TM2D1: variants seen among roughly 807,000 people sequenced by gnomAD.
TM2D1 encodes TM2 domain containing 1.
A neutral mutation model predicts 28.4 loss-of-function variants in TM2D1; 15 were observed. The observed-to-expected ratio is 0.53, with a 90% CI of 0.35 to 0.81. The LOEUF (loss-of-function observed/expected upper bound fraction) is 0.81, where lower values mean the gene tolerates loss of function less well. Ranked by LOEUF, TM2D1 falls within the 40% of genes least tolerant of loss-of-function variation. TM2D1 has a pLI of 0.01. For synonymous variants in TM2D1, 93 were observed against 96.2 expected, an observed-to-expected ratio of 0.97 and a Z score of 0.20; for missense variants, 236 against 254.9, an observed-to-expected ratio of 0.93 and a Z score of 0.50.
intron 5 of TM2D1, among the ~76,000 whole-genome samples, chr1:61,691,932 A>AAAAAAAAAAAATATATAT: frequency 5.2e-5 from 4 of 76,398 alleles, no homozygotes; most frequent in Non-Finnish European, 7.7e-5. Flanking sequence ...AAAAAAAAAA[A>AAAAAAAAAAAATATATAT]ATATATATAT....
chr1:61,707,603 G>A (rs944145622), intron 3 of TM2D1, among the ~76,000 whole-genome samples: 7 of 152,124 alleles, frequency 4.6e-5, no homozygotes, highest in African/African-American at 1.7e-4. Context: ...TCATATCTAA[G>A]TACATTGCAA....
chr1:61,703,062 C>G (rs537795126), intron 3 of TM2D1, among the ~76,000 whole-genome samples: 21 of 151,452 alleles, frequency 1.4e-4, no homozygotes, highest in South Asian at 4.2e-4. Flanking sequence ...GCCAAGATCA[C>G]GCCATTGCAC....
chr1:61,684,491 C>G (rs1644269463), intron 5 of TM2D1, among the ~76,000 whole-genome samples: 1 of 152,150 alleles, frequency 6.6e-6, no homozygotes, highest in Admixed American at 6.5e-5. Flanking sequence ...GGTGTGAAAG[C>G]CTCTGAAGTG....
At chr1:61,715,279 G>C (rs1281633393) in intron 2 of TM2D1, among the ~76,000 whole-genome samples, 2 of 152,122 alleles carry the variant, frequency 1.3e-5, no homozygotes, top group Admixed American at 1.3e-4. Flanking sequence ...CACTTAACTA[G>C]CATGTTCCTT....
intron 2 of TM2D1, among the ~76,000 whole-genome samples, chr1:61,719,843 G>T (rs12090484): frequency 0.041 from 6,312 of 152,198 alleles, 449 homozygotes; most frequent in African/African-American, 0.14. Flanking sequence ...TTTTCGGTAG[G>T]TTTGAAACTA....
chr1:61,702,970 G>A (rs1644413186), intron 3 of TM2D1, among the ~76,000 whole-genome samples: 1 of 151,350 alleles, frequency 6.6e-6, no homozygotes, highest in African/African-American at 2.4e-5. Context: ...GCCGGGCGTG[G>A]TGGTATATGC....
At chr1:61,712,747 T>C (rs1386451801) in intron 2 of TM2D1, among the ~76,000 whole-genome samples, 1 of 152,114 alleles carries the variant, frequency 6.6e-6, no homozygotes. Context: ...AATTAACATG[T>C]TATAGCACTC....
At position 61,683,477 on chromosome 1, in the gene TM2D1, TACTC is replaced by T; in HGVS notation, c.579_582del (p.Ser194LeufsTer52). On this transcript the variant is annotated frameshift_variant, in exon 6 of 7. Transcript: ENST00000606498. LOFTEE classifies it high-confidence loss of function. ...GTTTTTCTAAATGTTTCATTAGTAA[TACTC>T]AGTCTTGTAAGTCTGGTTCCATAGT... The T allele has an allele frequency of 1.3e-6, 2 of 1,529,444 alleles. No homozygotes were observed. Among genetic ancestry groups the T allele is most frequent in the Non-Finnish European group, 1.8e-6 (2 of 1,139,932 alleles). The allele number at this position is 1,529,444 out of a possible 1,614,324, so 94.7% of individuals were successfully genotyped here. A position where few individuals can be genotyped will look rare whatever the true frequency, so the allele number is the denominator to read the frequency against.
chr1:61,685,965 A>C (rs1644282339), intron 5 of TM2D1, among the ~76,000 whole-genome samples: 1 of 152,046 alleles, frequency 6.6e-6, no homozygotes, highest in African/African-American at 2.4e-5. Flanking sequence ...GTGAGCTATG[A>C]TCACACCACT....
intron 4 of TM2D1, chr1:61,697,676 A>G (rs910959766): frequency 7.9e-5 from 12 of 152,320 alleles, no homozygotes; most frequent in African/African-American, 2.9e-4. Context: ...AAAAAAGAAC[A>G]TATCTGTCAC....
chr1:61,700,072 A>C (rs940345753), intron 4 of TM2D1: 5 of 1,410,312 alleles, frequency 3.5e-6, no homozygotes, highest in Non-Finnish European at 4.6e-6. Context: ...AGAGTACTAC[A>C]GTAAATAAAG....
chr1:61,692,907 T>A (rs1644339377), intron 5 of TM2D1, among the ~76,000 whole-genome samples: 1 of 152,156 alleles, frequency 6.6e-6, no homozygotes, highest in Admixed American at 6.5e-5. Flanking sequence ...CCTCAATAAT[T>A]TCTTAATGTG....
At chr1:61,714,864 G>C (rs573402395) in intron 2 of TM2D1, among the ~76,000 whole-genome samples, 7 of 152,204 alleles carry the variant, frequency 4.6e-5, no homozygotes, top group Admixed American at 2.0e-4. Flanking sequence ...TTTTCAACTA[G>C]ATAGTACCAA....
intron 6 of TM2D1, among the ~76,000 whole-genome samples, chr1:61,682,716 G>A (rs565566237): frequency 1.3e-5 from 2 of 151,976 alleles, no homozygotes; most frequent in South Asian, 2.1e-4. Flanking sequence ...CTAAAATGGC[G>A]AAACCCCATC....
At chr1:61,684,303 C>T (rs529952671) in intron 5 of TM2D1, among the ~76,000 whole-genome samples, 1 of 152,274 alleles carries the variant, frequency 6.6e-6, no homozygotes, top group African/African-American at 2.4e-5. Flanking sequence ...ATCCTGAGAG[C>T]TTAATTCCCT....
intron 3 of TM2D1, among the ~76,000 whole-genome samples, chr1:61,708,717 T>C (rs1644456914): frequency 6.6e-6 from 1 of 152,216 alleles, no homozygotes. Flanking sequence ...ATCTCCCACA[T>C]TTTGAAGACA....
At chr1:61,714,618 G>A (rs1357764990) in intron 2 of TM2D1, among the ~76,000 whole-genome samples, 1 of 152,150 alleles carries the variant, frequency 6.6e-6, no homozygotes, top group South Asian at 2.1e-4. Context: ...GCAATGGCAC[G>A]ATTACGGCTC....
intron 2 of TM2D1, among the ~76,000 whole-genome samples, chr1:61,711,530 T>C (rs1644479363): frequency 1.3e-5 from 2 of 151,046 alleles, no homozygotes; most frequent in South Asian, 4.2e-4. Context: ...GCTCACCTGT[T>C]GTCAGGAGGC....
Position 61,725,018 on chromosome 1 carries a change from C to A in TM2D1, c.103G>T (p.Ala35Ser), listed in dbSNP as rs770675086. 2 of 1,611,508 alleles carry A rather than the reference C, an allele frequency of 1.2e-6. No individual in the cohort carries two copies. The highest frequency in any genetic ancestry group is 1.3e-5 in the African/African-American group (1 of 75,012). ...TCGCCCCCGGCGGAGGTGGCAACAG[C>A]CCCCCAGGGTCCTGTAGTGACTGAG... ...FVSVTTGPWG[A>S]VATSAGGEES... The change falls in exon 1 of 7, where the codon GCT becomes TCT. Residue 35 changes from alanine (A) to serine (S), a missense_variant. This residue lies in a region of TM2D1 where 167 missense variants were observed against 162.7 expected (regional missense o/e 1.03). Transcript: ENST00000606498.
Sources: allele counts gnomAD v4.1 joint callset (sites outside exome capture counted in the v4.1 genomes callset), GRCh38; gene constraint gnomAD v4.1.1; regional missense constraint gnomAD v4.1.1; transcripts MANE v1.5; gene names NCBI Gene and HGNC (gene_info 2026-07-23, HGNC 2026-07-21).